Variants in RGS17 observed in about 807,000 individuals in gnomAD.
RGS17 encodes the protein regulator of G protein signaling 17, also known as regulator of G-protein signaling 17.
Under a neutral mutation model 25.5 loss-of-function variants are expected in RGS17, and 12 were observed. The ratio of observed to expected loss-of-function variants is 0.47; its 90% CI spans 0.30 to 0.76. The LOEUF (loss-of-function observed/expected upper bound fraction) is 0.76. Among genes scored for constraint, RGS17 ranks in the 30% least tolerant of loss-of-function variants. RGS17 has a pLI of 0.07. For missense variants in RGS17, 196 were observed against 242.2 expected (o/e 0.81, Z 1.27); for synonymous variants, 71 against 76.9 (o/e 0.92, Z 0.40).
intron 1 of RGS17, among the ~76,000 whole-genome samples, chr6:153,078,295 C>T (rs974006963): frequency 1.2e-4 from 19 of 152,114 alleles, no homozygotes; most frequent in South Asian, 2.1e-4. Flanking sequence ...TATAGAATCA[C>T]TTTGTCAATT....
At position 153,093,975 on chromosome 6, in the gene RGS17, T is replaced by C. The variant is rs1240554313; in HGVS notation, c.-26+37149A>G. On this transcript the variant is annotated intron_variant, in intron 1 of 4. Coordinates refer to ENST00000206262, the MANE Select transcript of RGS17 (RefSeq NM_012419.5). ...TCTCGGGCCCAAATGTCACAATGTA[T>C]ATGAAAGTGCATTATATAAATACGA... 2.0e-5 allele frequency among the ~76,000 whole-genome samples: 3 copies of C among 152,290 alleles called. No individual in the cohort carries two copies. In the East Asian group the frequency reaches 5.8e-4, roughly 29 times the overall value.
At chr6:153,076,335 TAAGAG>T (rs1776878112) in intron 1 of RGS17, among the ~76,000 whole-genome samples, 1 of 152,056 alleles carries the variant, frequency 6.6e-6, no homozygotes, top group Non-Finnish European at 1.5e-5. Flanking sequence ...ATTATCAACA[TAAGAG>T]AAAAGAGAAA....
intron 1 of RGS17, among the ~76,000 whole-genome samples, chr6:153,065,967 A>T (rs888964513): frequency 3.9e-5 from 6 of 152,140 alleles, no homozygotes; most frequent in Non-Finnish European, 7.4e-5. Context: ...TGAGGAAAAC[A>T]ATAAAAAAAG....
At chr6:153,072,843 T>C (rs1328894213) in intron 1 of RGS17, among the ~76,000 whole-genome samples, 1 of 31,106 alleles carries the variant, frequency 3.2e-5, no homozygotes, top group African/African-American at 4.4e-4. Context: ...GCCTATAAAT[T>C]CAGCACTTAA....
chr6:153,096,397 C>T (rs1347370759), intron 1 of RGS17, among the ~76,000 whole-genome samples: 1 of 152,180 alleles, frequency 6.6e-6, no homozygotes, highest in Non-Finnish European at 1.5e-5. Flanking sequence ...TTTTGCAATG[C>T]ATGTAAAGTG....
intron 4 of RGS17, among the ~76,000 whole-genome samples, chr6:153,017,822 A>T (rs1254206483): frequency 6.6e-6 from 1 of 152,010 alleles, no homozygotes; most frequent in Non-Finnish European, 1.5e-5. Context: ...ATTCTGATTA[A>T]TTTTTTCCCT....
chr6:153,077,907 T>C (rs1776909157), intron 1 of RGS17, among the ~76,000 whole-genome samples: 1 of 151,480 alleles, frequency 6.6e-6, no homozygotes, highest in Non-Finnish European at 1.5e-5. Context: ...AGAGACTCGC[T>C]CCATCACCCA....
chr6:153,066,255 A>T (rs9384075), intron 1 of RGS17, among the ~76,000 whole-genome samples: 58,379 of 151,984 alleles, frequency 0.38, 11,900 homozygotes, highest in East Asian at 0.62. Context: ...AGAACAGATG[A>T]GGAGAAAAGG....
chr6:153,022,950 T>C (rs976855568), intron 4 of RGS17, among the ~76,000 whole-genome samples: 7 of 152,160 alleles, frequency 4.6e-5, no homozygotes, highest in African/African-American at 1.7e-4. Context: ...TATGAATACA[T>C]TTTTCATGTT....
chr6:153,041,029 G>A (rs1386090692), intron 2 of RGS17, among the ~76,000 whole-genome samples: 2 of 151,242 alleles, frequency 1.3e-5, no homozygotes, highest in African/African-American at 4.9e-5. Context: ...GCCAGGTGTG[G>A]TGGCATGCAC....
rs1779069659 is a variant in RGS17, at chr6:153,005,880, A to G, written c.*5694T>C. ...TAAACTAAGGAAATCTGAATGAAGT[A>G]TGAATGTAATGATCAATATTGGCTC... On this transcript the variant is annotated 3_prime_UTR_variant, in exon 5 of 5. Coordinates refer to ENST00000206262, the MANE Select transcript of RGS17 (RefSeq NM_012419.5). 6.6e-6 allele frequency: 1 copy of G among 152,228 alleles called. No homozygotes were observed. The allele number at this position is 152,228 out of a possible 1,614,324, so 9.4% of individuals were successfully genotyped here. A position where few individuals can be genotyped will look rare whatever the true frequency, so the allele number is the denominator to read the frequency against.
chr6:153,047,784 C>T (rs1008963318), intron 1 of RGS17, among the ~76,000 whole-genome samples: 1 of 152,210 alleles, frequency 6.6e-6, no homozygotes, highest in Non-Finnish European at 1.5e-5. Context: ...AACAAATTTA[C>T]GTTGTTTTTA....
intron 1 of RGS17, among the ~76,000 whole-genome samples, chr6:153,109,477 C>T (rs1252378831): frequency 1.3e-5 from 2 of 152,192 alleles, no homozygotes; most frequent in Non-Finnish European, 2.9e-5. Context: ...TCTTTGCTTA[C>T]TTGTGTGTTT....
At chr6:153,071,575 A>G (rs1162492923) in intron 1 of RGS17, among the ~76,000 whole-genome samples, 1 of 152,182 alleles carries the variant, frequency 6.6e-6, no homozygotes, top group Admixed American at 6.6e-5. Flanking sequence ...CACAAGCCCC[A>G]ATTAGTTTTC....
intron 4 of RGS17, among the ~76,000 whole-genome samples, chr6:153,018,688 C>T (rs1779209504): frequency 6.6e-6 from 1 of 152,198 alleles, no homozygotes; most frequent in Non-Finnish European, 1.5e-5. Context: ...CTTATTTCAA[C>T]AAGATTTGTC....
At chr6:153,077,450 T>C in intron 1 of RGS17, among the ~76,000 whole-genome samples, 1 of 152,216 alleles carries the variant, frequency 6.6e-6, no homozygotes, top group East Asian at 1.9e-4. Flanking sequence ...AATGGTACTG[T>C]GATTAAGTAG....
intron 2 of RGS17, among the ~76,000 whole-genome samples, chr6:153,042,455 A>G (rs1198822664): frequency 6.6e-6 from 1 of 152,192 alleles, no homozygotes; most frequent in East Asian, 1.9e-4. Context: ...TCCCCTGCAC[A>G]TGCACTCTTG....
At chr6:153,125,745 G>A (rs1213649033) in intron 1 of RGS17, among the ~76,000 whole-genome samples, 1 of 152,112 alleles carries the variant, frequency 6.6e-6, no homozygotes, top group Non-Finnish European at 1.5e-5. Context: ...CCCAGCTCCT[G>A]AGGTGGCAAG....
Position 153,101,507 on chromosome 6 carries a change from C to T in RGS17, c.-26+29617G>A, listed in dbSNP as rs577010424. 1.8e-3 allele frequency among the ~76,000 whole-genome samples: 275 copies of T among 152,244 alleles called. 2 individuals are homozygous for T. The highest frequency in any genetic ancestry group is 6.1e-3 in the African/African-American group (255 of 41,534). On this transcript the variant is annotated intron_variant, in intron 1 of 4. Coordinates refer to ENST00000206262, the MANE Select transcript of RGS17 (RefSeq NM_012419.5). ...TGATGGCAGATGTCATTTCTATATA[C>T]GGAAGAATTCCTTCATAAAATGGAA...
Sources: gnomAD v4.1 joint callset for allele counts (sites outside exome capture counted in the v4.1 genomes callset) on GRCh38, gnomAD v4.1.1 for gene constraint, MANE v1.5 for transcripts, NCBI Gene and HGNC (gene_info 2026-07-23, HGNC 2026-07-21) for gene names.